Variants in MDGA2 observed in about 807,000 individuals in gnomAD.
MDGA2 encodes MAM domain containing glycosylphosphatidylinositol anchor 2.
MDGA2 carries 40 observed loss-of-function variants against 117.8 expected under a neutral mutation model. That is an observed-to-expected ratio of 0.34 (90% CI 0.26 to 0.44). MDGA2 has a LOEUF of 0.44. MDGA2 is among the 20% of genes least tolerant of loss of function. The pLI is 1.00. For synonymous variants in MDGA2, 452 were observed against 439.0 expected (o/e 1.03, Z -0.37); for missense variants, 1,123 against 1,250.6 (o/e 0.90, Z 1.54).
Position 47,061,640 on chromosome 14 carries a change from C to T in MDGA2, c.1196-62G>A, listed in dbSNP as rs570239744. 6.1e-6 allele frequency: 8 copies of T among 1,305,174 alleles called. No homozygotes were observed. In the African/African-American group the frequency reaches 1.0e-4, roughly 17 times the overall value. The allele number at this position is 1,305,174 out of a possible 1,614,324, so 80.8% of individuals were successfully genotyped here. A position where few individuals can be genotyped will look rare whatever the true frequency, so the allele number is the denominator to read the frequency against. On this transcript the variant is annotated intron_variant, in intron 6 of 16. Transcript: ENST00000399232. ...TTTCATAACTTTAAGGATTCATTAA[C>T]TGTAGATAATCATCTCTGAGCTGAA...
intron 7 of MDGA2, among the ~76,000 whole-genome samples, chr14:47,039,300 C>T (rs966319828): frequency 1.3e-5 from 2 of 152,186 alleles, no homozygotes; most frequent in South Asian, 2.1e-4. Flanking sequence ...TTAATTTCAA[C>T]AGATTCCATC....
At chr14:46,851,406 G>A (rs1881051223) in intron 15 of MDGA2, among the ~76,000 whole-genome samples, 1 of 151,798 alleles carries the variant, frequency 6.6e-6, no homozygotes, top group African/African-American at 2.4e-5. Context: ...TTTTCCCAAT[G>A]TAGCAAAATC....
At chr14:47,204,646 G>C (rs531025628) in intron 3 of MDGA2, among the ~76,000 whole-genome samples, 1 of 151,806 alleles carries the variant, frequency 6.6e-6, no homozygotes, top group Non-Finnish European at 1.5e-5. Context: ...CTTCAAAAAG[G>C]TGTGCTCACT....
chr14:47,103,599 G>C lies in MDGA2; in HGVS notation c.926-6476C>G, dbSNP rs560915221. On this transcript the variant is annotated intron_variant, in intron 5 of 16. Coordinates refer to ENST00000399232, the MANE Select transcript of MDGA2 (RefSeq NM_001113498.3). ...AATGTAGGAGTAAACTTTTGCTACA[G>C]ATATTGAAGCCAACATGCATTTCTC... is the stretch of plus-strand genomic sequence containing the variant. 1.6e-4 allele frequency among the ~76,000 whole-genome samples: 24 copies of C among 152,320 alleles called. No individual in the cohort carries two copies. The South Asian group carries it at 5.0e-3, about 32-fold the overall frequency.
intron 1 of MDGA2, among the ~76,000 whole-genome samples, chr14:47,601,902 G>A (rs1338697754): frequency 2.6e-5 from 4 of 152,066 alleles, no homozygotes; most frequent in Non-Finnish European, 5.9e-5. Flanking sequence ...ATCCATAAAA[G>A]TACAAAAATT....
intron 8 of MDGA2, among the ~76,000 whole-genome samples, chr14:47,015,446 T>TTA (rs1258582194): frequency 6.6e-4 from 91 of 136,876 alleles, no homozygotes; most frequent in African/African-American, 2.3e-3. Context: ...TATCTTCAGG[T>TTA]AAAAAAAAAA....
At chr14:47,050,027 A>G (rs956109113) in intron 7 of MDGA2, among the ~76,000 whole-genome samples, 11 of 152,108 alleles carry the variant, frequency 7.2e-5, no homozygotes, top group Admixed American at 5.9e-4. Flanking sequence ...GGCAGATACA[A>G]TGTGATTTGA....
At chr14:47,516,978 T>G (rs1332672786) in intron 1 of MDGA2, among the ~76,000 whole-genome samples, 1 of 152,118 alleles carries the variant, frequency 6.6e-6, no homozygotes, top group Admixed American at 6.6e-5. Context: ...AATTGCCCCA[T>G]GCACTATAGA....
At position 47,152,714 on chromosome 14, in the gene MDGA2, A is replaced by T. The variant is rs143928510; in HGVS notation, c.596-8440T>A. 2.0e-5 allele frequency among the ~76,000 whole-genome samples: 3 copies of T among 152,272 alleles called. No individual in the cohort carries two copies. The East Asian group carries it at 5.8e-4, about 29-fold the overall frequency. ...ATGAATAAGATGAAAAAAAAACACAACACAATTAACTAAATGATCCTATAG... is the reference window on the plus strand; with the variant it reads ...ATGAATAAGATGAAAAAAAAACACATCACAATTAACTAAATGATCCTATAG... On this transcript the variant is annotated intron_variant, in intron 3 of 16. Transcript: ENST00000399232.
intron 8 of MDGA2, among the ~76,000 whole-genome samples, chr14:47,033,306 A>G (rs1439446081): frequency 6.9e-6 from 1 of 144,378 alleles, no homozygotes; most frequent in Non-Finnish European, 1.5e-5. Flanking sequence ...CGCTAAAGCC[A>G]TTTGGGTTCT....
At chr14:46,883,631 TC>T (rs1882551579) in intron 10 of MDGA2, among the ~76,000 whole-genome samples, 1 of 67,556 alleles carries the variant, frequency 1.5e-5, no homozygotes, top group Non-Finnish European at 3.1e-5. Context: ...CGTAGGAATC[TC>T]TCTCTTTCCT....
At chr14:46,861,570 T>C (rs1881508961) in intron 14 of MDGA2, among the ~76,000 whole-genome samples, 2 of 152,084 alleles carry the variant, frequency 1.3e-5, no homozygotes, top group Admixed American at 1.3e-4. Context: ...CTAAACAAGG[T>C]GTATTCAATT....
At chr14:47,174,575 A>G (rs929841079) in intron 3 of MDGA2, among the ~76,000 whole-genome samples, 1 of 152,260 alleles carries the variant, frequency 6.6e-6, no homozygotes, top group Non-Finnish European at 1.5e-5. Flanking sequence ...ATGAAGGCAG[A>G]AATAAAGATG....
chr14:47,172,410 G>C (rs766567135), intron 3 of MDGA2, among the ~76,000 whole-genome samples: 9 of 151,420 alleles, frequency 5.9e-5, no homozygotes, highest in Admixed American at 2.0e-4. Context: ...AGTAGGGGCA[G>C]ACTGACACCT....
At chr14:47,644,220 A>G (rs961453469) in intron 1 of MDGA2, among the ~76,000 whole-genome samples, 2 of 152,180 alleles carry the variant, frequency 1.3e-5, no homozygotes, top group African/African-American at 4.8e-5. Context: ...GAGAACTTTG[A>G]AAATGTGATT....
At chr14:46,991,177 A>T (rs953723354) in intron 8 of MDGA2, among the ~76,000 whole-genome samples, 45 of 152,102 alleles carry the variant, frequency 3.0e-4, no homozygotes, top group African/African-American at 1.0e-3. Context: ...AGTTCTGTGG[A>T]AATGTCACAT....
At chr14:47,314,693 CA>C (rs2139853502) in intron 1 of MDGA2, among the ~76,000 whole-genome samples, 1 of 151,580 alleles carries the variant, frequency 6.6e-6, no homozygotes, top group East Asian at 1.9e-4. Flanking sequence ...AAAGTGATAA[CA>C]GAGATAATCA....
At chr14:47,621,010 A>G (rs186413076) in intron 1 of MDGA2, among the ~76,000 whole-genome samples, 17 of 152,292 alleles carry the variant, frequency 1.1e-4, no homozygotes, top group African/African-American at 3.8e-4. Flanking sequence ...TCAACATAAC[A>G]AATATTTGGA....
intron 1 of MDGA2, among the ~76,000 whole-genome samples, chr14:47,580,091 C>T (rs1271098029): frequency 2.0e-5 from 3 of 152,024 alleles, no homozygotes; most frequent in Non-Finnish European, 4.4e-5. Context: ...TTGAACCCAG[C>T]TCTATTGAAT....
Sources: gnomAD v4.1 joint callset for allele counts (sites outside exome capture counted in the v4.1 genomes callset) on GRCh38, gnomAD v4.1.1 for gene constraint, MANE v1.5 for transcripts, NCBI Gene and HGNC (gene_info 2026-07-23, HGNC 2026-07-21) for gene names.